The following LHFPL6 variants were observed in gnomAD, a reference collection of about 807,000 sequenced individuals.
LHFPL6 encodes the protein LHFPL tetraspan subfamily member 6 protein.
Under a neutral mutation model 20.6 loss-of-function variants are expected in LHFPL6, and 9 were observed. The observed-to-expected ratio is 0.44, with a 90% CI of 0.26 to 0.76. The LOEUF is 0.76. Among genes scored for constraint, LHFPL6 ranks in the 30% least tolerant of loss-of-function variants. The pLI is 0.20. For missense variants in LHFPL6, 218 were observed against 253.5 expected, an observed-to-expected ratio of 0.86 and a Z score of 0.95; for synonymous variants, 105 against 98.7, an observed-to-expected ratio of 1.06 and a Z score of -0.38.
chr13:39,397,906 TTG>T (rs146494686), intron 2 of LHFPL6, among the ~76,000 whole-genome samples: 10,348 of 149,796 alleles, frequency 0.069, 416 homozygotes, highest in African/African-American at 0.11. Context: ...AAGTCAGACT[TTG>T]TGTGTGTGTG....
intron 2 of LHFPL6, among the ~76,000 whole-genome samples, chr13:39,496,824 C>A (rs1293113108): frequency 6.6e-6 from 1 of 152,238 alleles, no homozygotes. Flanking sequence ...TTCCAATGAC[C>A]AACTGGGAGT....
chr13:39,519,265 G>A (rs1355774370), intron 2 of LHFPL6, among the ~76,000 whole-genome samples: 2 of 151,846 alleles, frequency 1.3e-5, no homozygotes. Flanking sequence ...AAAAATCAGA[G>A]CCAAGTAAGT....
intron 2 of LHFPL6, among the ~76,000 whole-genome samples, chr13:39,552,400 G>C (rs866143559): frequency 6.6e-6 from 1 of 152,046 alleles, no homozygotes. Flanking sequence ...ATAAACCATT[G>C]TTGGACAGTG....
intron 2 of LHFPL6, among the ~76,000 whole-genome samples, chr13:39,433,029 A>G (rs1275690230): frequency 9.2e-5 from 14 of 152,244 alleles, no homozygotes; most frequent in Admixed American, 9.2e-4. Context: ...GCAAAAATCC[A>G]TTCAAGCTAT....
intron 2 of LHFPL6, among the ~76,000 whole-genome samples, chr13:39,381,868 G>T (rs1227879992): frequency 2.7e-5 from 4 of 150,902 alleles, no homozygotes; most frequent in African/African-American, 7.4e-5. Context: ...ACAGAAACCA[G>T]AAGTGAGGTA....
chr13:39,404,776 C>A (rs560672513), intron 2 of LHFPL6, among the ~76,000 whole-genome samples: 1 of 152,312 alleles, frequency 6.6e-6, no homozygotes, highest in South Asian at 2.1e-4. Flanking sequence ...CCTCCCTATG[C>A]CTCCTAGATG....
At chr13:39,479,034 T>TATAG (rs34879497) in intron 2 of LHFPL6, among the ~76,000 whole-genome samples, 33,363 of 143,750 alleles carry the variant, frequency 0.23, 4,035 homozygotes, top group Non-Finnish European at 0.27. Context: ...GGGAGATAGA[T>TATAG]ATAGATAGAT....
At chr13:39,362,799 G>T (rs143075085) in intron 3 of LHFPL6, among the ~76,000 whole-genome samples, 58 of 152,200 alleles carry the variant, frequency 3.8e-4, no homozygotes, top group African/African-American at 1.3e-3. Context: ...CCTACAAATT[G>T]AATCAATTAA....
intron 2 of LHFPL6, among the ~76,000 whole-genome samples, chr13:39,404,810 C>G (rs1871079817): frequency 6.6e-6 from 1 of 152,168 alleles, no homozygotes; most frequent in African/African-American, 2.4e-5. Flanking sequence ...GAGCCAAGAC[C>G]TAGACTGTTT....
chr13:39,414,924 T>C (rs1302892024), intron 2 of LHFPL6, among the ~76,000 whole-genome samples: 1 of 152,190 alleles, frequency 6.6e-6, no homozygotes, highest in Non-Finnish European at 1.5e-5. Context: ...GCCAAATCAA[T>C]GTCTTTGAGA....
chr13:39,523,062 C>T (rs979851230), intron 2 of LHFPL6, among the ~76,000 whole-genome samples: 1 of 152,214 alleles, frequency 6.6e-6, no homozygotes, highest in Admixed American at 6.5e-5. Context: ...TTTGCCTCAA[C>T]TCTCCCTAAT....
intron 2 of LHFPL6, among the ~76,000 whole-genome samples, chr13:39,525,205 C>T (rs1870250816): frequency 6.6e-6 from 1 of 152,120 alleles, no homozygotes; most frequent in African/African-American, 2.4e-5. Flanking sequence ...TGTCCTATTC[C>T]TAACTCTCAG....
chr13:39,411,357 C>T (rs1871238199), intron 2 of LHFPL6, among the ~76,000 whole-genome samples: 1 of 152,148 alleles, frequency 6.6e-6, no homozygotes, highest in Non-Finnish European at 1.5e-5. Flanking sequence ...TGGATAGAAT[C>T]TAAAGACATT....
chr13:39,359,150 G>C (rs936881150), intron 3 of LHFPL6, among the ~76,000 whole-genome samples: 2 of 152,192 alleles, frequency 1.3e-5, no homozygotes, highest in Admixed American at 6.5e-5. Flanking sequence ...AACAGAGTGA[G>C]ACTCTGTCTC....
At chr13:39,499,625 T>C (rs540875752) in intron 2 of LHFPL6, among the ~76,000 whole-genome samples, 1 of 152,312 alleles carries the variant, frequency 6.6e-6, no homozygotes, top group East Asian at 1.9e-4. Context: ...GGCTCAATTC[T>C]AGGACACTAC....
At chr13:39,428,426 G>A (rs990720443) in intron 2 of LHFPL6, among the ~76,000 whole-genome samples, 2 of 151,966 alleles carry the variant, frequency 1.3e-5, no homozygotes, top group African/African-American at 4.8e-5. Context: ...GTTTCCTTTT[G>A]TTGTTTGTGT....
At chr13:39,453,473 A>G (rs1872500036) in intron 2 of LHFPL6, among the ~76,000 whole-genome samples, 1 of 152,194 alleles carries the variant, frequency 6.6e-6, no homozygotes, top group Non-Finnish European at 1.5e-5. Flanking sequence ...TCAAAAAGCA[A>G]ATAAAATACT....
chr13:39,602,160 C>T (rs765261836), intron 1 of LHFPL6, among the ~76,000 whole-genome samples: 52 of 152,290 alleles, frequency 3.4e-4, no homozygotes, highest in Non-Finnish European at 6.2e-4. Flanking sequence ...CCCCAGTCAT[C>T]CAAATGGTTC....
chr13:39,443,227 T>G (rs2138415477), intron 2 of LHFPL6, among the ~76,000 whole-genome samples: 1 of 152,310 alleles, frequency 6.6e-6, no homozygotes, highest in African/African-American at 2.4e-5. Context: ...TTTCTTCCTC[T>G]GTCTCTCATA....
Sources: allele counts gnomAD v4.1 joint callset (sites outside exome capture counted in the v4.1 genomes callset), GRCh38; gene constraint gnomAD v4.1.1; transcripts MANE v1.5; gene names NCBI Gene and HGNC (gene_info 2026-07-23, HGNC 2026-07-21).